The following CFAP52 variants were observed in gnomAD, a reference collection of about 807,000 sequenced individuals.
The protein encoded by CFAP52 is cilia and flagella associated protein 52, also known as cilia- and flagella-associated protein 52.
In CFAP52, 57 loss-of-function variants were observed where a neutral mutation model predicts 70.5. The ratio of observed to expected loss-of-function variants is 0.81; its 90% CI spans 0.65 to 1.01. The LOEUF is 1.01. Ranked by LOEUF, CFAP52 falls within the 50% of genes least tolerant of loss-of-function variation. The pLI is 0.00. For synonymous variants in CFAP52, 267 were observed against 292.5 expected (o/e 0.91, Z 0.89); for missense variants, 785 against 788.5 (o/e 1.00, Z 0.05).
chr17:9,579,090 G>T (rs1908098884), intron 1 of CFAP52, among the ~76,000 whole-genome samples: 1 of 152,128 alleles, frequency 6.6e-6, no homozygotes, highest in South Asian at 2.1e-4. Flanking sequence ...AGTGGCTGGG[G>T]TGGGGCAGCG....
rs149419257 is a variant in CFAP52, at chr17:9,592,464, C to T, written c.408-1729C>T. On this transcript the variant is annotated intron_variant, in intron 3 of 13. Coordinates refer to ENST00000352665, the MANE Select transcript of CFAP52 (RefSeq NM_145054.5). ...AGCCTAGGCAACAAGAGCAAAACTC[C>T]GTCTCAAAAAAATTAAAAAATAAAA... 9.0e-3 allele frequency among the ~76,000 whole-genome samples: 1,365 copies of T among 152,046 alleles called. 13 individuals are homozygous for T. The highest frequency in any genetic ancestry group is 0.017 in the Middle Eastern group (5 of 294).
At position 9,600,136 on chromosome 17, in the gene CFAP52, A is replaced by G. The variant is rs551047571; in HGVS notation, c.706A>G (p.Thr236Ala). 1.9e-6 allele frequency: 3 copies of G among 1,614,052 alleles called. No individual in the cohort carries two copies. The South Asian group carries it at 3.3e-5, about 18-fold the overall frequency. ...TGDILKMNPR[T>A]KLLTDVGPAK... ...AGATATTCTAAAAATGAACCCCAGG[A>G]CTAAACTGCTGACAGATGTTGGGCC... is the stretch of plus-strand genomic sequence containing the variant. Residue 236 changes from threonine (T) to alanine (A), a missense_variant, in exon 6 of 14, where the codon ACT becomes GCT. Transcript: ENST00000352665.
chr17:9,592,317 T>A (rs1458654045), intron 3 of CFAP52, among the ~76,000 whole-genome samples: 2 of 151,564 alleles, frequency 1.3e-5, no homozygotes, highest in African/African-American at 2.4e-5. Flanking sequence ...GCAAAAAAAA[T>A]TAGCTGGGCG....
chr17:9,582,332 T>A (rs1282763518), intron 1 of CFAP52, among the ~76,000 whole-genome samples: 1 of 152,230 alleles, frequency 6.6e-6, no homozygotes, highest in African/African-American at 2.4e-5. Context: ...GTCAGCCATC[T>A]TAATTTTAGC....
At chr17:9,629,567 G>A in intron 9 of CFAP52, among the ~76,000 whole-genome samples, 1 of 112,528 alleles carries the variant, frequency 8.9e-6, no homozygotes, top group South Asian at 2.9e-4. Context: ...TTTTTTCTCA[G>A]ATGGAGTTTC....
downstream of CFAP52, among the ~76,000 whole-genome samples, chr17:9,644,083 G>A (rs1005884989): frequency 2.6e-5 from 4 of 152,142 alleles, no homozygotes; most frequent in African/African-American, 9.7e-5. Flanking sequence ...GCTGTAACCC[G>A]GTTTGAAAGA....
intron 8 of CFAP52, among the ~76,000 whole-genome samples, chr17:9,615,714 A>G (rs904991957): frequency 1.6e-4 from 24 of 151,110 alleles, no homozygotes; most frequent in Admixed American, 2.6e-4. Flanking sequence ...GGGTTAAGCA[A>G]TCCTCCTGCC....
intron 6 of CFAP52, among the ~76,000 whole-genome samples, chr17:9,604,235 C>T (rs564155822): frequency 1.2e-4 from 19 of 152,216 alleles, no homozygotes; most frequent in South Asian, 1.0e-3. Flanking sequence ...GTGGTGATAA[C>T]TTTTAGCTAT....
At chr17:9,581,426 A>C (rs1466023019) in intron 1 of CFAP52, among the ~76,000 whole-genome samples, 4 of 152,222 alleles carry the variant, frequency 2.6e-5, no homozygotes, top group African/African-American at 7.2e-5. Flanking sequence ...CTAATGAGGA[A>C]AGATGTCAAA....
chr17:9,585,966 G>A lies in CFAP52; in HGVS notation c.264G>A (p.Gly88=), dbSNP rs971644606. The A allele has an allele frequency of 3.1e-6, 5 of 1,604,168 alleles. No homozygotes were observed. Among genetic ancestry groups the A allele is most frequent in the Non-Finnish European group, 8.5e-7 (1 of 1,174,526 alleles). ...YIASGQVTFM[G]FKADIILWDY... is the part of the protein sequence containing the mutation. ...CCTCCGGACAAGTCACATTCATGGG[G>A]TTCAAGGTGAATACAGTGAAAACGA... is the stretch of plus-strand genomic sequence containing the variant. Residue 88 remains glycine, a synonymous_variant, in exon 2 of 14, where the codon GGG becomes GGA. Coordinates refer to ENST00000352665, the MANE Select transcript of CFAP52 (RefSeq NM_145054.5).
chr17:9,639,174 A>C (rs1441436809), intron 12 of CFAP52: 1 of 155,142 alleles, frequency 6.4e-6, no homozygotes, highest in Non-Finnish European at 1.4e-5. Flanking sequence ...TGATGCCTGT[A>C]ATTCCAGCAC....
chr17:9,586,248 A>G (rs1178857193), intron 2 of CFAP52, among the ~76,000 whole-genome samples: 2 of 152,032 alleles, frequency 1.3e-5, no homozygotes, highest in Non-Finnish European at 2.9e-5. Flanking sequence ...ATGTTTGTAG[A>G]ACCTGATCCG....
At chr17:9,642,653 T>C (rs996320774) in intron 13 of CFAP52, among the ~76,000 whole-genome samples, 2 of 152,076 alleles carry the variant, frequency 1.3e-5, no homozygotes, top group Non-Finnish European at 2.9e-5. Flanking sequence ...AATAAATGCA[T>C]GAAATGAATT....
At chr17:9,578,459 T>C (rs1365391631) in intron 1 of CFAP52, among the ~76,000 whole-genome samples, 1 of 152,230 alleles carries the variant, frequency 6.6e-6, no homozygotes, top group Non-Finnish European at 1.5e-5. Flanking sequence ...GCCTATGAAC[T>C]GGACAGGTTG....
intron 1 of CFAP52, among the ~76,000 whole-genome samples, chr17:9,581,185 C>T (rs535193471): frequency 3.1e-4 from 47 of 152,076 alleles, no homozygotes; most frequent in Non-Finnish European, 5.0e-4. Context: ...GGCGCGGTGG[C>T]GGGCACCTGT....
chr17:9,608,235 C>T lies in CFAP52; in HGVS notation c.854+16C>T, dbSNP rs1909578577. Reference sequence around the variant, plus strand: ...AACCCATCAAGTAAGTTCCGGGTCTCACACAGTGGGGCTGGGTAGAGACCC... The same window carrying T: ...AACCCATCAAGTAAGTTCCGGGTCTTACACAGTGGGGCTGGGTAGAGACCC... On this transcript the variant is annotated intron_variant, in intron 7 of 13. Coordinates refer to ENST00000352665, the MANE Select transcript of CFAP52 (RefSeq NM_145054.5). The T allele has an allele frequency of 6.3e-7, 1 of 1,596,196 alleles. No individual in the cohort carries two copies. The highest frequency in any genetic ancestry group is 8.6e-7 in the Non-Finnish European group (1 of 1,169,480).
At chr17:9,599,999 C>T (rs1388415126) in intron 5 of CFAP52, 68 bp from the exon 6 acceptor site, 12 of 1,394,666 alleles carry the variant, frequency 8.6e-6, no homozygotes, top group Non-Finnish European at 1.0e-5. Flanking sequence ...CCTCGGCCTC[C>T]CAAAGTGCTG....
At chr17:9,592,243 G>A (rs1424058338) in intron 3 of CFAP52, among the ~76,000 whole-genome samples, 3 of 151,948 alleles carry the variant, frequency 2.0e-5, no homozygotes, top group South Asian at 2.1e-4. Flanking sequence ...CGGGTGGATC[G>A]CCTGAGGTCA....
At chr17:9,599,934 T>C (rs1909189126) in intron 5 of CFAP52, 133 bp from the exon 6 acceptor site, 1 of 655,550 alleles carries the variant, frequency 1.5e-6, no homozygotes. Flanking sequence ...AGAGACAGGG[T>C]TTCTCCATGT....
Sources: gnomAD v4.1 joint callset for allele counts (sites outside exome capture counted in the v4.1 genomes callset) on GRCh38, gnomAD v4.1.1 for gene constraint, MANE v1.5 for transcripts, NCBI Gene and HGNC (gene_info 2026-07-23, HGNC 2026-07-21) for gene names.